The following VRK2 variants were observed in gnomAD, a reference collection of about 807,000 sequenced individuals.
VRK2 encodes serine/threonine-protein kinase VRK2.
A neutral mutation model predicts 57.6 loss-of-function variants in VRK2; 60 were observed. That is an observed-to-expected ratio of 1.04 (90% confidence interval 0.85 to 1.29). VRK2 has a LOEUF of 1.29. VRK2 is among the 50% of genes most tolerant of loss of function. The probability of loss-of-function intolerance (pLI) is 0.00; values close to 1 mark genes in which losing one functional copy is unlikely to be tolerated. For synonymous variants in VRK2, 231 were observed against 199.2 expected, an observed-to-expected ratio of 1.16 and a Z score of -1.35; for missense variants, 705 against 588.1, an observed-to-expected ratio of 1.20 and a Z score of -2.06.
In VRK2 at chr2:57,977,213, T is replaced by C. The variant is rs552371443; in HGVS notation, c.-438-48452T>C. On this transcript the variant is annotated intron_variant, in intron 1 of 15. Coordinates refer to the VRK2 transcript ENST00000417641. ...CTATTTAGGATTTTGTTTGTTTGTT[T>C]CCAAATGAATTATAGAATCATTTTC... Among the ~76,000 whole-genome samples, 122 of 152,284 alleles carry C rather than the reference T, an allele frequency of 8.0e-4. 1 individual carries two copies. The highest frequency in any genetic ancestry group is 2.8e-3 in the African/African-American group (115 of 41,574).
rs374961042 is a variant in VRK2 at position 58,108,012 on chromosome 2, A to G, written c.544-15089A>G. Among the ~76,000 whole-genome samples, 15 of 152,070 alleles carry G rather than the reference A, an allele frequency of 9.9e-5. 1 individual carries two copies. In the South Asian group the frequency reaches 1.2e-3, roughly 13 times the overall value. The stretch of plus-strand genomic sequence containing the variant: ...AGAGGCCCTTTACGTCTTTCCATCA[A>G]CTTTTACTCTGTCACTCAGTCCTCC... On this transcript the variant is annotated intron_variant, in intron 7 of 12. Transcript: ENST00000340157.
intron 1 of VRK2, among the ~76,000 whole-genome samples, chr2:57,913,250 C>A (rs1027944683): frequency 6.6e-6 from 1 of 152,072 alleles, no homozygotes; most frequent in East Asian, 1.9e-4. Flanking sequence ...TTTTACATTA[C>A]GCAAGTCATG....
At chr2:58,013,049 T>G (rs1673460376) in intron 1 of VRK2, among the ~76,000 whole-genome samples, 1 of 152,190 alleles carries the variant, frequency 6.6e-6, no homozygotes, top group East Asian at 1.9e-4. Context: ...ACGTTTAAAT[T>G]TTAGATATAT....
intron 1 of VRK2, among the ~76,000 whole-genome samples, chr2:58,006,815 C>A (rs1225953056): frequency 6.6e-6 from 1 of 152,082 alleles, no homozygotes; most frequent in Non-Finnish European, 1.5e-5. Context: ...CTACTAAATT[C>A]TTACTTGACC....
intron 7 of VRK2, among the ~76,000 whole-genome samples, chr2:58,119,476 CAAAAA>C (rs35693605): frequency 1.1e-5 from 1 of 87,316 alleles, no homozygotes; most frequent in Non-Finnish European, 2.1e-5. Flanking sequence ...GACTCCATCT[CAAAAA>C]AAAAAAAAAA....
intron 11 of VRK2, among the ~76,000 whole-genome samples, chr2:58,141,570 G>T (rs1351315522): frequency 6.6e-6 from 1 of 151,920 alleles, no homozygotes; most frequent in African/African-American, 2.4e-5. Flanking sequence ...TGATCAGCCT[G>T]GATGTATAGA....
chr2:57,997,188 C>T (rs1343419513), intron 1 of VRK2, among the ~76,000 whole-genome samples: 1 of 151,976 alleles, frequency 6.6e-6, no homozygotes, highest in African/African-American at 2.4e-5. Flanking sequence ...CTTTGAGTTG[C>T]TCAGGGATTT....
At chr2:58,090,549 CTGA>C (rs1253193234) in intron 7 of VRK2, among the ~76,000 whole-genome samples, 1 of 152,090 alleles carries the variant, frequency 6.6e-6, no homozygotes, top group Admixed American at 6.5e-5. Flanking sequence ...GTACCAACTG[CTGA>C]TGAGTATTTG....
At chr2:57,959,007 T>G (rs1572905991) in intron 1 of VRK2, among the ~76,000 whole-genome samples, 1 of 152,240 alleles carries the variant, frequency 6.6e-6, no homozygotes, top group African/African-American at 2.4e-5. Flanking sequence ...TGTAGCATAT[T>G]ACTATCTAGG....
intron 12 of VRK2, among the ~76,000 whole-genome samples, chr2:58,151,888 G>C (rs976100169): frequency 1.8e-4 from 27 of 149,996 alleles, no homozygotes; most frequent in Non-Finnish European, 3.9e-4. Flanking sequence ...CTTACATATT[G>C]TATTTGATTG....
intron 1 of VRK2, among the ~76,000 whole-genome samples, chr2:57,978,425 T>C (rs1435952023): frequency 1.3e-5 from 2 of 151,100 alleles, no homozygotes; most frequent in African/African-American, 4.9e-5. Flanking sequence ...TAAGCCTTGA[T>C]AACAGAAGAC....
At chr2:58,121,421 A>G (rs923566721) in intron 7 of VRK2, among the ~76,000 whole-genome samples, 4 of 152,362 alleles carry the variant, frequency 2.6e-5, no homozygotes, top group East Asian at 1.9e-4. Context: ...CATCAGACAC[A>G]GTGAAAGCAA....
At chr2:58,132,743 T>C (rs527979259) in intron 9 of VRK2, among the ~76,000 whole-genome samples, 4 of 152,258 alleles carry the variant, frequency 2.6e-5, no homozygotes, top group Admixed American at 2.6e-4. Context: ...TAGAAATCTA[T>C]CTTTAAATTC....
At chr2:58,045,639 C>T (rs1308987427), upstream of VRK2, among the ~76,000 whole-genome samples, 2 of 152,110 alleles carry the variant, frequency 1.3e-5, no homozygotes, top group Admixed American at 1.3e-4. Context: ...TCTTCTCATG[C>T]CATCTTTCAT....
chr2:58,138,628 G>C (rs1680884631), intron 10 of VRK2, among the ~76,000 whole-genome samples: 1 of 152,096 alleles, frequency 6.6e-6, no homozygotes, highest in Non-Finnish European at 1.5e-5. Context: ...TTTGAGTGGA[G>C]GTAGGCCTAG....
intron 10 of VRK2, among the ~76,000 whole-genome samples, chr2:58,137,099 A>T (rs548706735): frequency 1.5e-3 from 195 of 126,020 alleles, no homozygotes; most frequent in Middle Eastern, 7.7e-3. Context: ...TGTATATATC[A>T]TATATATAAC....
intron 7 of VRK2, among the ~76,000 whole-genome samples, chr2:58,094,412 A>G (rs890801375): frequency 1.3e-4 from 20 of 152,096 alleles, no homozygotes; most frequent in Non-Finnish European, 1.6e-4. Context: ...TAGGTATTTT[A>G]TTCTCTTTGA....
chr2:58,116,224 C>T (rs185474703), intron 7 of VRK2, among the ~76,000 whole-genome samples: 18 of 151,914 alleles, frequency 1.2e-4, no homozygotes, highest in African/African-American at 3.4e-4. Flanking sequence ...GGTGCGTGAT[C>T]GGTCGCCAAG....
At chr2:58,113,140 C>G (rs1675822534) in intron 7 of VRK2, among the ~76,000 whole-genome samples, 1 of 151,888 alleles carries the variant, frequency 6.6e-6, no homozygotes, top group Non-Finnish European at 1.5e-5. Flanking sequence ...GAAACCCCGT[C>G]TCTACTAAAA....
Sources: allele counts gnomAD v4.1 joint callset (sites outside exome capture counted in the v4.1 genomes callset), GRCh38; gene constraint gnomAD v4.1.1; transcripts MANE v1.5; gene names NCBI Gene and HGNC (gene_info 2026-07-23, HGNC 2026-07-21).